The following TCERG1 variants were observed in gnomAD, a reference collection of about 807,000 sequenced individuals.
TCERG1 encodes TATA box binding protein (TBP)-associated factor, RNA polymerase II, S, 150kD.
Under a neutral mutation model 144.7 loss-of-function variants are expected in TCERG1, and 37 were observed. The observed-to-expected ratio is 0.26, with a 90% CI of 0.20 to 0.34. The LOEUF (loss-of-function observed/expected upper bound fraction) is 0.34, where lower values mean the gene tolerates loss of function less well. TCERG1 is among the 10% of genes least tolerant of loss of function. The pLI is 1.00. For missense variants in TCERG1, 1,027 were observed against 1,380.7 expected, an observed-to-expected ratio of 0.74 and a Z score of 4.06; for synonymous variants, 492 against 458.2, an observed-to-expected ratio of 1.07 and a Z score of -0.94.
In TCERG1 at chr5:146,507,890, G is replaced by T; in HGVS notation, c.2979G>T (p.Thr993=). Residue 993 remains threonine (T), a synonymous_variant, in exon 21 of 23, where the codon ACG becomes ACT. Transcript: ENST00000679501. This position sits in a 1 kb window ranked among gnomAD's most constrained non-coding sequence, Gnocchi z 4.6. The part of the protein sequence containing the change: ...DETSAITLTS[T]WKEVKKIIKE... ...TTTCAAAGATTACCTTAACATCCAC[G>T]TGGAAAGAAGTAAAAAAAATCATTA... 6.2e-7 allele frequency: 1 copy of T among 1,609,322 alleles called. No homozygotes were observed. Among genetic ancestry groups the T allele is most frequent in the South Asian group, 1.1e-5 (1 of 90,116 alleles).
chr5:146,454,929 A>C, intron 1 of TCERG1, 127 bp from the exon 2 acceptor site: 1 of 1,010,376 alleles, frequency 9.9e-7, no homozygotes, highest in Non-Finnish European at 1.4e-6. Context: ...GACGGTTGCA[A>C]AATGATGACT....
At chr5:146,456,590 G>A (rs1762855385) in intron 2 of TCERG1, among the ~76,000 whole-genome samples, 1 of 152,184 alleles carries the variant, frequency 6.6e-6, no homozygotes, top group South Asian at 2.1e-4. Flanking sequence ...GCAAAGATTG[G>A]AGTATGGGAA....
chr5:146,505,865 C>T (rs1416663227), intron 19 of TCERG1, among the ~76,000 whole-genome samples: 4 of 152,154 alleles, frequency 2.6e-5, no homozygotes, highest in African/African-American at 9.7e-5. Flanking sequence ...CAACCTTTGC[C>T]TCCTGGGTTC....
At chr5:146,458,754 C>T (rs1487420622) in intron 3 of TCERG1, 130 bp from the exon 4 acceptor site, 1 of 1,307,960 alleles carries the variant, frequency 7.6e-7, no homozygotes, top group Non-Finnish European at 1.0e-6. Context: ...GCTGGGATTA[C>T]AGGAATGAGC....
chr5:146,482,567 A>G (rs749408469), intron 13 of TCERG1, 25 bp from the exon 14 acceptor site: 1 of 1,573,268 alleles, frequency 6.4e-7, no homozygotes, highest in South Asian at 1.2e-5. Flanking sequence ...TTGTCAGTTG[A>G]TGTCTTATAT....
intron 15 of TCERG1, among the ~76,000 whole-genome samples, chr5:146,488,176 C>T (rs761148170): frequency 4.6e-5 from 7 of 151,912 alleles, no homozygotes; most frequent in Non-Finnish European, 8.8e-5. Context: ...GGAAATAATT[C>T]CAGACATTGA....
intron 9 of TCERG1, among the ~76,000 whole-genome samples, chr5:146,473,428 T>G (rs1409483263): frequency 6.6e-6 from 1 of 152,230 alleles, no homozygotes; most frequent in Non-Finnish European, 1.5e-5. Flanking sequence ...CGTGCTGATG[T>G]AGAAGCTGTA....
chr5:146,478,272 T>C, intron 9 of TCERG1: 1 of 376,574 alleles, frequency 2.7e-6, no homozygotes, highest in Non-Finnish European at 4.6e-6. Flanking sequence ...TTGCTTTGCA[T>C]TTCTTGGTTT....
At position 146,455,215 on chromosome 5, in the gene TCERG1, T is replaced by A. The variant is rs773193525; in HGVS notation, c.219T>A (p.Asp73Glu). ...CGCCCTTTGGACGTCCTCCTTTTGA[T>A]CCTAATATGCCGCCAATGCCTCCTC... The part of the protein sequence containing the change: ...PRPPFGRPPF[D>E]PNMPPMPPPG... The change falls in exon 2 of 23, where the codon GAT becomes GAA. Residue 73 changes from aspartate to glutamate, a missense_variant. By Grantham distance (45) the Asp-to-Glu change is conservative (BLOSUM62 2). This residue lies in a region of TCERG1 where 175 missense variants were observed against 197.0 expected (regional missense o/e 0.89). Coordinates refer to ENST00000679501, the MANE Select transcript of TCERG1 (RefSeq NM_001382548.1). 6.2e-7 allele frequency: 1 copy of A among 1,614,178 alleles called. No homozygotes were observed. Among genetic ancestry groups the A allele is most frequent in the Non-Finnish European group, 8.5e-7 (1 of 1,180,042 alleles).
intron 19 of TCERG1, chr5:146,505,741 TGCA>T (rs1244313330): frequency 6.6e-6 from 1 of 151,576 alleles, no homozygotes; most frequent in Non-Finnish European, 1.5e-5. Flanking sequence ...TACCTGTATT[TGCA>T]GTTATTTGCT....
chr5:146,493,486 G>T (rs1766611530), intron 16 of TCERG1, among the ~76,000 whole-genome samples: 2 of 151,976 alleles, frequency 1.3e-5, no homozygotes, highest in Non-Finnish European at 2.9e-5. Context: ...CATGTAATGG[G>T]CTGAAGAAAA....
chr5:146,457,855 T>A (rs1762963312), intron 3 of TCERG1, among the ~76,000 whole-genome samples: 1 of 152,162 alleles, frequency 6.6e-6, no homozygotes, highest in Admixed American at 6.5e-5. Flanking sequence ...TGTTGTTTTG[T>A]TTTTGTTTTT....
At chr5:146,491,615 GAACT>G (rs1170368475) in intron 15 of TCERG1, among the ~76,000 whole-genome samples, 2 of 152,170 alleles carry the variant, frequency 1.3e-5, no homozygotes, top group Non-Finnish European at 2.9e-5. Flanking sequence ...GGATCTGAGA[GAACT>G]AACTGTGTCT....
chr5:146,457,246 C>T lies in TCERG1; in HGVS notation c.349C>T (p.Pro117Ser). Residue 117 changes from proline to serine, a missense_variant, in exon 3 of 23, where the codon CCA becomes TCA. Pro to Ser is a moderately conservative substitution (Grantham distance 74). Transcript: ENST00000679501. Reference sequence around the variant, plus strand: ...TCCTCCTCCGGGTATGATGTTTCCACCAGGAATGCCTCCTGTGACTGCTCC... The same window carrying T: ...TCCTCCTCCGGGTATGATGTTTCCATCAGGAATGCCTCCTGTGACTGCTCC... Reference protein sequence around the residue: ...MPPPPGMMFPPGMPPVTAPGT... With the variant: ...MPPPPGMMFPSGMPPVTAPGT... 6.2e-7 allele frequency: 1 copy of T among 1,614,142 alleles called. No individual in the cohort carries two copies. Among genetic ancestry groups the T allele is most frequent in the Non-Finnish European group, 8.5e-7 (1 of 1,179,986 alleles).
chr5:146,508,011 G>A, intron 21 of TCERG1, 55 bp downstream of exon 21: 1 of 1,301,810 alleles, frequency 7.7e-7, no homozygotes. Context: ...TTAAATCGGG[G>A]CCTAACAGCA....
At position 146,457,219 on chromosome 5, in the gene TCERG1, C is replaced by T; in HGVS notation, c.322C>T (p.Pro108Ser). 1 of 1,614,072 alleles carries T rather than the reference C, an allele frequency of 6.2e-7. No individual in the cohort carries two copies. Among genetic ancestry groups the T allele is most frequent in the Non-Finnish European group, 8.5e-7 (1 of 1,179,934 alleles). ...PFMPPPMSSM[P>S]PPPGMMFPPG... ...CATGCCTCCTCCCATGAGTTCCATG[C>T]CTCCTCCTCCGGGTATGATGTTTCC... The change falls in exon 3 of 23, where the codon CCT (proline) becomes TCT (serine). Residue 108 changes from proline (P) to serine (S), a missense_variant. Transcript: ENST00000679501.
At chr5:146,497,174 T>C (rs991193173) in intron 16 of TCERG1, among the ~76,000 whole-genome samples, 1 of 151,708 alleles carries the variant, frequency 6.6e-6, no homozygotes, top group Admixed American at 6.6e-5. Context: ...ACTATGTTTT[T>C]TTGTTTTTGT....
At chr5:146,465,162 A>T (rs1324987418) in intron 5 of TCERG1, among the ~76,000 whole-genome samples, 1 of 152,216 alleles carries the variant, frequency 6.6e-6, no homozygotes, top group African/African-American at 2.4e-5. Context: ...ACTAAATCAT[A>T]GATGGAGAAT....
chr5:146,447,918 T>C (rs1762028229), intron 1 of TCERG1, among the ~76,000 whole-genome samples: 1 of 152,252 alleles, frequency 6.6e-6, no homozygotes, highest in East Asian at 1.9e-4. Flanking sequence ...CCTCATTGCT[T>C]GCCTTTCTTA....
Sources: gnomAD v4.1 joint callset for allele counts (sites outside exome capture counted in the v4.1 genomes callset) on GRCh38, gnomAD v4.1.1 for gene constraint, gnomAD v4.1.1 regional missense constraint, Gnocchi (gnomAD v3.1) non-coding constraint, MANE v1.5 for transcripts, NCBI Gene and HGNC (gene_info 2026-07-23, HGNC 2026-07-21) for gene names.